ST3GAL1: variants seen among roughly 807,000 people sequenced by gnomAD.
ST3GAL1 encodes the protein ST3 beta-galactoside alpha-2,3-sialyltransferase 1.
A neutral mutation model predicts 34.1 loss-of-function variants in ST3GAL1; 16 were observed. That is an observed-to-expected ratio of 0.47 (90% CI 0.32 to 0.71). The LOEUF is 0.71. Ranked by LOEUF, ST3GAL1 falls within the 30% of genes least tolerant of loss-of-function variation. The probability of loss-of-function intolerance (pLI) is 0.04; values close to 1 mark genes in which losing one functional copy is unlikely to be tolerated. For synonymous variants in ST3GAL1, 191 were observed against 184.7 expected (o/e 1.03, Z -0.28); for missense variants, 353 against 447.4 (o/e 0.79, Z 1.90).
At chr8:133,541,034 C>CAT (rs370767285) in intron 2 of ST3GAL1, among the ~76,000 whole-genome samples, 1 of 96,654 alleles carries the variant, frequency 1.0e-5, no homozygotes, top group Non-Finnish European at 2.1e-5. Flanking sequence ...TATATATAGA[C>CAT]ATATATAGAC....
chr8:133,500,825 A>T (rs1817127706), intron 2 of ST3GAL1, among the ~76,000 whole-genome samples: 2 of 152,184 alleles, frequency 1.3e-5, no homozygotes, highest in African/African-American at 2.4e-5. Flanking sequence ...TCTGGGTCAG[A>T]TGCTGTACAT....
intron 5 of ST3GAL1, among the ~76,000 whole-genome samples, chr8:133,474,334 AC>A (rs1248871794): frequency 6.6e-6 from 1 of 152,112 alleles, no homozygotes; most frequent in Non-Finnish European, 1.5e-5. Context: ...CACTCCTGCA[AC>A]CCAAGAAAGG....
In ST3GAL1 at chr8:133,540,892, T is replaced by TAGAGACATATATAG. The variant is rs777832793; in HGVS notation, c.-429+4881_-429+4882insCTATATATGTCTCT. Among the ~76,000 whole-genome samples the TAGAGACATATATAG allele has an allele frequency of 3.1e-4, 20 of 64,146 alleles. 2 individuals are homozygous for TAGAGACATATATAG. Among genetic ancestry groups the TAGAGACATATATAG allele is most frequent in the Admixed American group, 1.0e-3 (6 of 5,998 alleles). 42.1% of individuals were successfully genotyped at this position (64,146 alleles called of 152,430 possible). On this transcript the variant is annotated intron_variant, in intron 2 of 9. Transcript: ENST00000522652. ...AGACATATATATAGAGACATATATA[T>TAGAGACATATATAG]AGACATATATATAGACATATATATA...
intron 2 of ST3GAL1, among the ~76,000 whole-genome samples, chr8:133,540,883 A>G (rs1236043164): frequency 7.4e-6 from 1 of 135,086 alleles, no homozygotes; most frequent in Non-Finnish European, 1.6e-5. Flanking sequence ...ATATATAGAG[A>G]CATATATATA....
chr8:133,492,521 A>G (rs1816815422), intron 3 of ST3GAL1, among the ~76,000 whole-genome samples: 1 of 152,288 alleles, frequency 6.6e-6, no homozygotes, highest in South Asian at 2.1e-4. Context: ...AGGATTTCCG[A>G]GACCAGCCTG....
At chr8:133,494,606 C>T (rs915910310) in intron 3 of ST3GAL1, among the ~76,000 whole-genome samples, 1 of 152,162 alleles carries the variant, frequency 6.6e-6, no homozygotes, top group East Asian at 1.9e-4. Flanking sequence ...GTTCTCTGCA[C>T]ACCCACAATG....
At chr8:133,511,226 G>A (rs1329830775) in intron 2 of ST3GAL1, among the ~76,000 whole-genome samples, 1 of 152,202 alleles carries the variant, frequency 6.6e-6, no homozygotes, top group East Asian at 1.9e-4. Flanking sequence ...AGGAAAGCAA[G>A]GTTATCTGGG....
intron 2 of ST3GAL1, among the ~76,000 whole-genome samples, chr8:133,506,371 G>A (rs1817337051): frequency 6.6e-6 from 1 of 152,170 alleles, no homozygotes; most frequent in Non-Finnish European, 1.5e-5. Context: ...ATGTGGCAAG[G>A]GCTCCCTAAA....
At chr8:133,474,503 C>A (rs897816115) in intron 5 of ST3GAL1, among the ~76,000 whole-genome samples, 1 of 152,148 alleles carries the variant, frequency 6.6e-6, no homozygotes, top group Admixed American at 6.5e-5. Context: ...CATGAAACCC[C>A]CTGACAAAAA....
chr8:133,562,845 T>TTCCTTCCTTC (rs1563744704), intron 1 of ST3GAL1, among the ~76,000 whole-genome samples: 1 of 86,302 alleles, frequency 1.2e-5, no homozygotes, highest in African/African-American at 4.9e-5. Flanking sequence ...TTCCTTCCTT[T>TTCCTTCCTTC]CTTTCTTTTT....
chr8:133,512,602 G>A (rs780523779), intron 2 of ST3GAL1, among the ~76,000 whole-genome samples: 1 of 152,144 alleles, frequency 6.6e-6, no homozygotes, highest in Non-Finnish European at 1.5e-5. Flanking sequence ...CCATTGAAAG[G>A]TGAAGGGCCT....
chr8:133,522,036 C>G (rs1328066377), intron 2 of ST3GAL1, among the ~76,000 whole-genome samples: 1 of 152,176 alleles, frequency 6.6e-6, no homozygotes, highest in Non-Finnish European at 1.5e-5. Flanking sequence ...AAAACAAAAA[C>G]CTTAAAAATG....
intron 3 of ST3GAL1, among the ~76,000 whole-genome samples, chr8:133,491,684 G>A (rs7841977): frequency 0.23 from 34,419 of 152,190 alleles, 4,215 homozygotes; most frequent in East Asian, 0.53. Context: ...TTAAGATCAC[G>A]TTATAAACCC....
intron 8 of ST3GAL1, among the ~76,000 whole-genome samples, chr8:133,463,207 G>A (rs1815576569): frequency 6.6e-6 from 1 of 152,232 alleles, no homozygotes; most frequent in African/African-American, 2.4e-5. Context: ...CAAACTCCCG[G>A]GTGATGCTGC....
At chr8:133,504,765 A>T (rs1246620002) in intron 2 of ST3GAL1, among the ~76,000 whole-genome samples, 1 of 152,192 alleles carries the variant, frequency 6.6e-6, no homozygotes, top group East Asian at 1.9e-4. Flanking sequence ...AGGAGGTCAG[A>T]CTGGCAACTC....
In ST3GAL1 at chr8:133,457,781, G is replaced by A. The variant is rs1286768807; in HGVS notation, c.*1983C>T. 1 of 152,162 alleles carries A rather than the reference G, an allele frequency of 6.6e-6. No homozygotes were observed. Among genetic ancestry groups the A allele is most frequent in the Non-Finnish European group, 1.5e-5 (1 of 68,044 alleles). The allele number at this position is 152,162 out of a possible 1,614,324, so 9.4% of individuals were successfully genotyped here. A position where few individuals can be genotyped will look rare whatever the true frequency, so the allele number is the denominator to read the frequency against. ...TCTTGTGAATGGCCTGAAGCCACCTGTGACCCATGACTGATGTCCCCAAGT... is the reference window on the plus strand; with the variant it reads ...TCTTGTGAATGGCCTGAAGCCACCTATGACCCATGACTGATGTCCCCAAGT... On this transcript the variant is annotated 3_prime_UTR_variant, in exon 10 of 10. Coordinates refer to ENST00000522652, the MANE Select transcript of ST3GAL1 (RefSeq NM_173344.3).
chr8:133,470,179 C>T (rs1178743207), intron 5 of ST3GAL1, among the ~76,000 whole-genome samples: 2 of 152,096 alleles, frequency 1.3e-5, no homozygotes, highest in African/African-American at 2.4e-5. Flanking sequence ...CAACACTTTG[C>T]GAGGCCAAGG....
chr8:133,505,981 T>G (rs1817323885), intron 2 of ST3GAL1, among the ~76,000 whole-genome samples: 1 of 152,230 alleles, frequency 6.6e-6, no homozygotes, highest in South Asian at 2.1e-4. Flanking sequence ...TTAATGCCAC[T>G]AATTAAATTA....
At chr8:133,481,025 C>A (rs1471604139) in intron 3 of ST3GAL1, among the ~76,000 whole-genome samples, 1 of 152,056 alleles carries the variant, frequency 6.6e-6, no homozygotes, top group African/African-American at 2.4e-5. Flanking sequence ...TCACCACAGC[C>A]GTCTTAAAGC....
Sources: allele counts gnomAD v4.1 joint callset (sites outside exome capture counted in the v4.1 genomes callset), GRCh38; gene constraint gnomAD v4.1.1; transcripts MANE v1.5; gene names NCBI Gene and HGNC (gene_info 2026-07-23, HGNC 2026-07-21).